Variants in KIAA1217 observed in about 807,000 individuals in gnomAD.
KIAA1217 encodes sickle tail protein homolog.
In KIAA1217, 88 loss-of-function variants were observed where a neutral mutation model predicts 163.9. The ratio of observed to expected loss-of-function variants is 0.54; its 90% CI spans 0.45 to 0.64. The LOEUF is 0.64. Ranked by LOEUF, KIAA1217 falls within the 30% of genes least tolerant of loss-of-function variation. The pLI is 0.00. For missense variants in KIAA1217, 2,372 were observed against 2,475.0 expected, an observed-to-expected ratio of 0.96 and a Z score of 0.88; for synonymous variants, 903 against 923.1, an observed-to-expected ratio of 0.98 and a Z score of 0.39.
chr10:24,489,810 G>C (rs2065879409), intron 6 of KIAA1217, among the ~76,000 whole-genome samples: 1 of 134,634 alleles, frequency 7.4e-6, no homozygotes, highest in Non-Finnish European at 1.5e-5. Context: ...GCTGCAGTGA[G>C]CTATGATCAT....
intron 2 of KIAA1217, among the ~76,000 whole-genome samples, chr10:24,125,471 T>G (rs1249390183): frequency 2.0e-5 from 3 of 152,160 alleles, no homozygotes; most frequent in South Asian, 2.1e-4. Flanking sequence ...TGACCATTTT[T>G]GGCTAGATCT....
intron 5 of KIAA1217, among the ~76,000 whole-genome samples, chr10:24,448,562 A>G (rs77065466): frequency 6.6e-6 from 1 of 151,990 alleles, no homozygotes; most frequent in African/African-American, 2.4e-5. Context: ...AATTTTCTGA[A>G]TTCTTTGTAG....
chr10:24,145,308 T>A (rs190644420), intron 2 of KIAA1217, among the ~76,000 whole-genome samples: 27 of 152,376 alleles, frequency 1.8e-4, no homozygotes, highest in African/African-American at 6.3e-4. Flanking sequence ...TGTTTCACTC[T>A]GACTTGGAGG....
intron 1 of KIAA1217, among the ~76,000 whole-genome samples, chr10:23,976,304 G>C (rs894780214): frequency 6.6e-6 from 1 of 152,162 alleles, no homozygotes; most frequent in East Asian, 1.9e-4. Flanking sequence ...TTCTTCCTAA[G>C]CTATGGGAAT....
At chr10:24,487,754 G>C (rs1173528069) in intron 6 of KIAA1217, among the ~76,000 whole-genome samples, 1 of 152,134 alleles carries the variant, frequency 6.6e-6, no homozygotes, top group Non-Finnish European at 1.5e-5. Context: ...TTCCTGACTT[G>C]GGAAAAGTGC....
At chr10:24,057,502 C>G (rs1261569885) in intron 2 of KIAA1217, among the ~76,000 whole-genome samples, 5 of 152,158 alleles carry the variant, frequency 3.3e-5, no homozygotes, top group Non-Finnish European at 7.3e-5. Context: ...TTAGATATCT[C>G]ATATAAGTGG....
At chr10:24,277,366 G>A (rs945810402) in intron 2 of KIAA1217, among the ~76,000 whole-genome samples, 5 of 152,240 alleles carry the variant, frequency 3.3e-5, no homozygotes, top group East Asian at 1.9e-4. Context: ...TCTTCTTAGC[G>A]GCTTCCTAGA....
At chr10:24,501,669 C>A in intron 9 of KIAA1217, 124 bp downstream of exon 9, 1 of 664,934 alleles carries the variant, frequency 1.5e-6, no homozygotes, top group Admixed American at 2.8e-5. Flanking sequence ...CTTCCTCTCT[C>A]ACACACACAA....
chr10:24,032,458 G>T (rs1395071126), intron 2 of KIAA1217, among the ~76,000 whole-genome samples: 1 of 152,050 alleles, frequency 6.6e-6, no homozygotes, highest in African/African-American at 2.4e-5. Context: ...TGTTGCCCAG[G>T]CTGTTCTCCA....
At chr10:23,998,407 T>C (rs1244410196) in intron 1 of KIAA1217, among the ~76,000 whole-genome samples, 1 of 152,198 alleles carries the variant, frequency 6.6e-6, no homozygotes, top group Non-Finnish European at 1.5e-5. Context: ...GAGAACAAAT[T>C]TCCAGGACCC....
chr10:23,996,798 C>T (rs561269408), intron 1 of KIAA1217, among the ~76,000 whole-genome samples: 2 of 152,142 alleles, frequency 1.3e-5, no homozygotes, highest in South Asian at 2.1e-4. Context: ...TTTCTATAAG[C>T]CTGAATTCCC....
chr10:24,052,075 C>T (rs548000875), intron 2 of KIAA1217, among the ~76,000 whole-genome samples: 1 of 152,252 alleles, frequency 6.6e-6, no homozygotes, highest in Non-Finnish European at 1.5e-5. Context: ...TTGTGTCTCT[C>T]GTGCTCTGCT....
intron 2 of KIAA1217, among the ~76,000 whole-genome samples, chr10:24,124,593 G>T (rs1388905792): frequency 6.6e-6 from 1 of 152,004 alleles, no homozygotes; most frequent in Non-Finnish European, 1.5e-5. Flanking sequence ...TATTTTATCA[G>T]GTTAATAGCT....
At chr10:24,395,170 G>T (rs1437448014) in intron 3 of KIAA1217, among the ~76,000 whole-genome samples, 1 of 152,070 alleles carries the variant, frequency 6.6e-6, no homozygotes, top group Non-Finnish European at 1.5e-5. Context: ...TTTTACATTG[G>T]CAGGAAAACA....
At chr10:23,898,676 G>T (rs935789671) in intron 1 of KIAA1217, among the ~76,000 whole-genome samples, 2 of 151,652 alleles carry the variant, frequency 1.3e-5, no homozygotes, top group Non-Finnish European at 2.9e-5. Flanking sequence ...TCATATTGTT[G>T]TGCAACCAAT....
At chr10:23,942,922 A>G (rs1017730441) in intron 1 of KIAA1217, among the ~76,000 whole-genome samples, 2 of 151,368 alleles carry the variant, frequency 1.3e-5, no homozygotes, top group Admixed American at 6.6e-5. Flanking sequence ...AGCCTGGACA[A>G]CATAGTGATA....
At chr10:24,395,891 A>G (rs1358866163) in intron 3 of KIAA1217, among the ~76,000 whole-genome samples, 1 of 152,176 alleles carries the variant, frequency 6.6e-6, no homozygotes, top group African/African-American at 2.4e-5. Flanking sequence ...CGATTAGCCC[A>G]GGCTGGTCTC....
At chr10:24,502,541 T>C (rs1478214727) in intron 9 of KIAA1217, among the ~76,000 whole-genome samples, 1 of 152,134 alleles carries the variant, frequency 6.6e-6, no homozygotes, top group Admixed American at 6.5e-5. Context: ...AATAAGGAGG[T>C]AGAGATGTGC....
At chr10:24,439,688 A>G (rs540305729) in intron 5 of KIAA1217, among the ~76,000 whole-genome samples, 1 of 151,730 alleles carries the variant, frequency 6.6e-6, no homozygotes, top group East Asian at 1.9e-4. Context: ...GAGGTCATCA[A>G]CATTTCTTGG....
Sources: gnomAD v4.1 joint callset for allele counts (sites outside exome capture counted in the v4.1 genomes callset) on GRCh38, gnomAD v4.1.1 for gene constraint, MANE v1.5 for transcripts, NCBI Gene and HGNC (gene_info 2026-07-23, HGNC 2026-07-21) for gene names.